NELL1: variants seen among roughly 807,000 people sequenced by gnomAD.
NELL1 encodes neural EGFL like 1.
Under a neutral mutation model 107.4 loss-of-function variants are expected in NELL1, and 76 were observed. The observed-to-expected ratio is 0.71, with a 90% CI of 0.59 to 0.86. The LOEUF (loss-of-function observed/expected upper bound fraction) is 0.86, where lower values mean the gene tolerates loss of function less well. Among genes scored for constraint, NELL1 ranks in the 40% least tolerant of loss-of-function variants. NELL1 has a pLI of 0.00. For missense variants in NELL1, 1,024 were observed against 1,005.5 expected (o/e 1.02, Z -0.25); for synonymous variants, 353 against 341.2 (o/e 1.03, Z -0.38).
At chr11:21,200,363 T>C (rs1377956622) in intron 13 of NELL1, among the ~76,000 whole-genome samples, 1 of 152,170 alleles carries the variant, frequency 6.6e-6, no homozygotes, top group East Asian at 1.9e-4. Context: ...TGGTATCTCA[T>C]TGTGGTTTTG....
chr11:20,927,034 A>G (rs934077705), intron 7 of NELL1: 1 of 341,224 alleles, frequency 2.9e-6, no homozygotes, highest in Admixed American at 4.7e-5. Flanking sequence ...GAAAGCACAC[A>G]CATTTATGAA....
At chr11:21,106,268 T>C (rs1404135450) in intron 12 of NELL1, among the ~76,000 whole-genome samples, 1 of 152,060 alleles carries the variant, frequency 6.6e-6, no homozygotes, top group Non-Finnish European at 1.5e-5. Context: ...CCTAGCTATG[T>C]GACCTTAGAC....
At chr11:21,126,252 C>A (rs1283966286) in intron 13 of NELL1, among the ~76,000 whole-genome samples, 1 of 152,014 alleles carries the variant, frequency 6.6e-6, no homozygotes, top group Non-Finnish European at 1.5e-5. Context: ...CTTTAAAATG[C>A]GAATGCAGAC....
intron 16 of NELL1, among the ~76,000 whole-genome samples, chr11:21,556,243 T>C (rs569916447): frequency 9.2e-5 from 14 of 152,048 alleles, no homozygotes; most frequent in African/African-American, 3.1e-4. Context: ...CAGCTGTATA[T>C]TCAAACGCTG....
At chr11:20,848,228 G>C (rs531096365) in intron 4 of NELL1, among the ~76,000 whole-genome samples, 1 of 152,202 alleles carries the variant, frequency 6.6e-6, no homozygotes, top group Non-Finnish European at 1.5e-5. Context: ...CCAAATGGAG[G>C]CTTCTTAAAG....
intron 12 of NELL1, among the ~76,000 whole-genome samples, chr11:21,085,796 G>A (rs1218311061): frequency 2.0e-5 from 3 of 152,194 alleles, no homozygotes; most frequent in South Asian, 2.1e-4. Context: ...GGGACAGGTC[G>A]TAGAAGAACC....
At chr11:20,804,955 T>G (rs1474692372) in intron 3 of NELL1, among the ~76,000 whole-genome samples, 1 of 152,216 alleles carries the variant, frequency 6.6e-6, no homozygotes, top group Non-Finnish European at 1.5e-5. Flanking sequence ...CATCTGGGTG[T>G]TCCAGTGTTG....
chr11:21,314,557 A>G (rs143821950), intron 14 of NELL1, among the ~76,000 whole-genome samples: 41 of 152,286 alleles, frequency 2.7e-4, no homozygotes, highest in African/African-American at 7.5e-4. Flanking sequence ...TAGGTACTCT[A>G]CAGGATGCTG....
chr11:20,941,011 T>C (rs1046473623), intron 10 of NELL1, among the ~76,000 whole-genome samples: 2 of 152,054 alleles, frequency 1.3e-5, no homozygotes, highest in African/African-American at 2.4e-5. Flanking sequence ...TGATGGTGCA[T>C]GCCTGTAATC....
intron 16 of NELL1, among the ~76,000 whole-genome samples, chr11:21,545,214 T>A (rs1856409003): frequency 6.6e-6 from 1 of 151,706 alleles, no homozygotes; most frequent in South Asian, 2.1e-4. Context: ...TCTCTATTTT[T>A]TAAAATGACA....
chr11:21,231,821 A>T (rs765080811), intron 14 of NELL1, among the ~76,000 whole-genome samples: 1 of 152,176 alleles, frequency 6.6e-6, no homozygotes, highest in Non-Finnish European at 1.5e-5. Context: ...AGTGATTGTC[A>T]TAATCAATTG....
intron 14 of NELL1, among the ~76,000 whole-genome samples, chr11:21,306,399 A>G (rs1849605261): frequency 6.6e-6 from 1 of 152,060 alleles, no homozygotes; most frequent in Admixed American, 6.6e-5. Context: ...TGCATAAGCT[A>G]GTTCACGACT....
chr11:21,021,887 C>T (rs902187627), intron 12 of NELL1, among the ~76,000 whole-genome samples: 1 of 152,024 alleles, frequency 6.6e-6, no homozygotes, highest in African/African-American at 2.4e-5. Context: ...TCTACTCTGG[C>T]GTTGAAGAAT....
chr11:21,264,103 T>G (rs1848591259), intron 14 of NELL1, among the ~76,000 whole-genome samples: 1 of 151,654 alleles, frequency 6.6e-6, no homozygotes, highest in South Asian at 2.1e-4. Context: ...TGTGTTTGTG[T>G]GTCTGTCTGT....
chr11:20,971,946 G>T (rs1469868615), intron 12 of NELL1, among the ~76,000 whole-genome samples: 2 of 146,566 alleles, frequency 1.4e-5, no homozygotes, highest in East Asian at 4.2e-4. Context: ...AACACCGCAT[G>T]TTCTCACTCA....
chr11:21,109,479 C>T (rs1855054798), intron 12 of NELL1, among the ~76,000 whole-genome samples: 2 of 152,220 alleles, frequency 1.3e-5, no homozygotes, highest in Admixed American at 6.5e-5. Flanking sequence ...GGCTTAGCCT[C>T]TTCTTGTCTC....
chr11:21,550,308 G>T (rs1856547753), intron 16 of NELL1, among the ~76,000 whole-genome samples: 1 of 151,880 alleles, frequency 6.6e-6, no homozygotes, highest in South Asian at 2.1e-4. Flanking sequence ...CACTCTGATG[G>T]TAGTTTCTTT....
intron 14 of NELL1, among the ~76,000 whole-genome samples, chr11:21,336,658 T>G (rs1850405905): frequency 1.5e-5 from 1 of 65,694 alleles, no homozygotes; most frequent in Non-Finnish European, 3.3e-5. Flanking sequence ...TGTGTATATA[T>G]ATATATATAT....
intron 12 of NELL1, among the ~76,000 whole-genome samples, chr11:21,008,935 G>T (rs1430262189): frequency 1.3e-5 from 2 of 152,148 alleles, no homozygotes; most frequent in South Asian, 2.1e-4. Flanking sequence ...ATCAACTGCA[G>T]CATTCAGTGT....
Sources: allele counts gnomAD v4.1 joint callset (sites outside exome capture counted in the v4.1 genomes callset), GRCh38; gene constraint gnomAD v4.1.1; transcripts MANE v1.5; gene names NCBI Gene and HGNC (gene_info 2026-07-23, HGNC 2026-07-21).